The following ELF4 variants were observed in gnomAD, a reference collection of about 807,000 sequenced individuals.
ELF4 encodes ETS-related transcription factor Elf-4.
In ELF4, 10 loss-of-function variants were observed where a neutral mutation model predicts 31.7. That is an observed-to-expected ratio of 0.32 (90% confidence interval 0.19 to 0.54). The LOEUF (loss-of-function observed/expected upper bound fraction) is 0.54, where lower values mean the gene tolerates loss of function less well. Ranked by LOEUF, ELF4 falls within the 20% of genes least tolerant of loss-of-function variation. The probability of loss-of-function intolerance (pLI) is 0.95; values close to 1 mark genes in which losing one functional copy is unlikely to be tolerated. For synonymous variants in ELF4, 208 were observed against 226.7 expected (o/e 0.92, Z 0.74); for missense variants, 418 against 522.0 (o/e 0.80, Z 1.94).
At chrX:130,102,880 G>A (rs546363019) in intron 1 of ELF4, among the ~76,000 whole-genome samples, 9,979 of 43,464 alleles carry the variant, frequency 0.23, 1,082 homozygotes, top group African/African-American at 0.42. Context: ...GAGAGAGAGA[G>A]AGAGAGAAAG....
intron 1 of ELF4, among the ~76,000 whole-genome samples, chrX:130,089,703 C>T (rs1004809949): frequency 9.0e-6 from 1 of 111,149 alleles, no homozygotes; most frequent in African/African-American, 3.3e-5. Flanking sequence ...ACTCTTCTTC[C>T]TTGCCTCCTT....
At chrX:130,080,372 T>C (rs3788844) in intron 2 of ELF4, among the ~76,000 whole-genome samples, 34,766 of 99,707 alleles carry the variant, frequency 0.35, 5,385 homozygotes, top group African/African-American at 0.49. Flanking sequence ...TGCAGTGAGC[T>C]GAGAACACGC....
In ELF4 at chrX:130,092,030, T is replaced by C. The variant is rs773378424; in HGVS notation, c.-209-10491A>G. ...CCCACCCTTCCCGTCTGCTGACCTT[T>C]CTGCCCTCCTCTCGGAATTCCTCTC... On this transcript the variant is annotated intron_variant, in intron 1 of 8. Transcript: ENST00000308167. 5.0e-3 allele frequency among the ~76,000 whole-genome samples: 561 copies of C among 112,077 alleles called. 1 individual carries two copies. The highest frequency in any genetic ancestry group is 0.017 in the African/African-American group (531 of 30,903).
At chrX:130,071,585 T>G (rs1603199176) in intron 5 of ELF4, among the ~76,000 whole-genome samples, 166 bp from the exon 6 acceptor site, 1 of 112,516 alleles carries the variant, frequency 8.9e-6, no homozygotes, top group East Asian at 2.8e-4. Flanking sequence ...ACCCTCATTT[T>G]CAGGCCCCCA....
At chrX:130,085,197 A>C (rs1023575158) in intron 1 of ELF4, among the ~76,000 whole-genome samples, 5 of 111,761 alleles carry the variant, frequency 4.5e-5, no homozygotes, top group African/African-American at 1.6e-4. Flanking sequence ...TTGAGGCCCT[A>C]CAGGGTCTCT....
At chrX:130,088,810 A>G (rs1410346003) in intron 1 of ELF4, among the ~76,000 whole-genome samples, 1 of 112,251 alleles carries the variant, frequency 8.9e-6, no homozygotes, top group Admixed American at 9.4e-5. Context: ...ATTAAGTCAG[A>G]TAACTTTTAT....
At chrX:130,072,183 C>T (rs750207251) in intron 5 of ELF4, 43 bp downstream of exon 5, 1 of 1,175,017 alleles carries the variant, frequency 8.5e-7, no homozygotes, top group Admixed American at 2.2e-5. Flanking sequence ...ACGCCCCGCC[C>T]ATCCCCTCGG....
In ELF4 at chrX:130,089,509, C is replaced by CAAAAAAAA. The variant is rs777456574; in HGVS notation, c.-209-7978_-209-7971dup. 5.7e-3 allele frequency among the ~76,000 whole-genome samples: 110 copies of CAAAAAAAA among 19,452 alleles called. 22 individuals are homozygous for CAAAAAAAA. The highest frequency in any genetic ancestry group is 0.017 in the South Asian group (1 of 60). 16.9% of individuals were successfully genotyped at this position (19,452 alleles called of 115,157 possible). ...GGGCAACAAGAGTGAGACCTCAGCT[C>CAAAAAAAA]AAAAAAAAAAAAAAAAAAAAAAAAA... On this transcript the variant is annotated intron_variant, in intron 1 of 8. Transcript: ENST00000308167.
intron 1 of ELF4, among the ~76,000 whole-genome samples, chrX:130,082,005 G>A (rs998707342): frequency 4.5e-5 from 5 of 111,830 alleles, no homozygotes; most frequent in Non-Finnish European, 9.4e-5. Context: ...GGGAAGAATC[G>A]TGTGAGGGGC....
intron 1 of ELF4, among the ~76,000 whole-genome samples, chrX:130,089,825 G>A (rs1396220012): frequency 4.4e-5 from 5 of 112,832 alleles, no homozygotes; most frequent in Non-Finnish European, 9.4e-5. Flanking sequence ...ACGGCTGGGC[G>A]TGGTGGCTCA....
Position 130,066,484 on chromosome X carries a change from C to T in ELF4, c.*237G>A. On this transcript the variant is annotated 3_prime_UTR_variant, in exon 9 of 9. Coordinates refer to ENST00000308167, the MANE Select transcript of ELF4 (RefSeq NM_001421.4). ...CTTTTTCCCTCCATCACCAAGTCAG[C>T]CCGTTATGCTGCCAAAAGCATATGC... The T allele has an allele frequency of 2.6e-6, 1 of 390,208 alleles. No homozygotes were observed. Among genetic ancestry groups the T allele is most frequent in the East Asian group, 4.1e-5 (1 of 24,344 alleles). The allele number at this position is 390,208 out of a possible 1,213,427, so 32.2% of individuals were successfully genotyped here.
At chrX:130,076,685 C>T (rs1225675030) in intron 2 of ELF4, among the ~76,000 whole-genome samples, 12 of 112,190 alleles carry the variant, frequency 1.1e-4, no homozygotes, top group Admixed American at 2.8e-4. Context: ...CCCACCTTGG[C>T]CTCCCAAAGT....
At chrX:130,100,544 C>G (rs1933235113) in intron 1 of ELF4, among the ~76,000 whole-genome samples, 1 of 111,735 alleles carries the variant, frequency 8.9e-6, no homozygotes, top group Admixed American at 9.5e-5. Context: ...GCCTGCCATG[C>G]CTTTGCTGCT....
chrX:130,111,185 G>A (rs1409751354), upstream of ELF4, among the ~76,000 whole-genome samples: 19 of 108,221 alleles, frequency 1.8e-4, no homozygotes, highest in African/African-American at 6.4e-4. Context: ...GGCGCCCGCA[G>A]AGCCCGCGTC....
intron 1 of ELF4, among the ~76,000 whole-genome samples, chrX:130,103,129 A>G (rs769156346): frequency 1.8e-5 from 2 of 112,089 alleles, no homozygotes; most frequent in South Asian, 7.4e-4. Flanking sequence ...CTAGGGGAAG[A>G]GTTCTTCGAT....
In ELF4 at chrX:130,081,454, A is replaced by G; in HGVS notation, c.-124T>C. On this transcript the variant is annotated 5_prime_UTR_variant, in exon 2 of 9. Coordinates refer to ENST00000308167, the MANE Select transcript of ELF4 (RefSeq NM_001421.4). The stretch of plus-strand genomic sequence containing the variant: ...GAGCCTACCCCCTGAGCTGCAGTAA[A>G]ATAGGGGGTGGAGAGAGCTGGAGTA... The G allele has an allele frequency of 1.4e-6, 1 of 735,592 alleles. No individual in the cohort carries two copies. Among genetic ancestry groups the G allele is most frequent in the East Asian group, 3.3e-5 (1 of 30,599 alleles). 60.6% of individuals were successfully genotyped at this position (735,592 alleles called of 1,213,427 possible).
Position 130,067,223 on chromosome X carries a change from G to C in ELF4, c.1490C>G (p.Thr497Ser). The C allele has an allele frequency of 1.7e-6, 2 of 1,211,931 alleles. No individual in the cohort carries two copies. Among genetic ancestry groups the C allele is most frequent in the Non-Finnish European group, 2.2e-6 (2 of 895,335 alleles). The change falls in exon 9 of 9, where the codon ACC (threonine) becomes AGC (serine). Residue 497 changes from threonine to serine, a missense_variant. Around this residue, in one of 4 missense-constraint regions of ELF4, gnomAD observed 260 missense variants for 269.2 expected, o/e 0.97. Coordinates refer to ENST00000308167, the MANE Select transcript of ELF4 (RefSeq NM_001421.4). ...PQLLAGANRPTNPAPPTVTGA... is the reference protein window; with the variant it reads ...PQLLAGANRPSNPAPPTVTGA... ...TGTGACCGTGGGTGGCGCCGGGTTG[G>C]TCGGACGGTTGGCCCCAGCCAGAAG...
intron 1 of ELF4, among the ~76,000 whole-genome samples, chrX:130,102,886 GAA>G (rs1491281329): frequency 3.9e-4 from 24 of 61,523 alleles, no homozygotes; most frequent in Non-Finnish European, 6.5e-4. Flanking sequence ...GAGAGAGAGA[GAA>G]AGAAAGAAAG....
intron 2 of ELF4, among the ~76,000 whole-genome samples, chrX:130,078,761 C>CCACACA (rs1932858109): frequency 1.4e-5 from 1 of 70,652 alleles, no homozygotes; most frequent in Admixed American, 1.5e-4. Context: ...CTCTCTCTCT[C>CCACACA]TACACACACA....
Sources: gnomAD v4.1 joint callset for allele counts (sites outside exome capture counted in the v4.1 genomes callset) on GRCh38, gnomAD v4.1.1 for gene constraint, gnomAD v4.1.1 regional missense constraint, MANE v1.5 for transcripts, NCBI Gene and HGNC (gene_info 2026-07-23, HGNC 2026-07-21) for gene names.